The following PLXNA3 variants were observed in gnomAD, a reference collection of about 807,000 sequenced individuals.
The protein encoded by PLXNA3 is plexin-A3.
A neutral mutation model predicts 118.8 loss-of-function variants in PLXNA3; 52 were observed. The observed-to-expected ratio is 0.44, with a 90% CI of 0.35 to 0.55. The LOEUF is 0.55. PLXNA3 is among the 20% of genes least tolerant of loss of function. The pLI, the probability that PLXNA3 is intolerant of heterozygous loss-of-function variation, is 0.01. For missense variants in PLXNA3, 1,660 were observed against 1,730.8 expected (o/e 0.96, Z 0.73); for synonymous variants, 925 against 762.4 (o/e 1.21, Z -3.51).
Position 154,467,218 on chromosome X carries a change from C to T in PLXNA3, c.3202-14C>T, listed in dbSNP as rs1385673206. On this transcript the variant is annotated splice_polypyrimidine_tract_variant and intron_variant, in intron 18 of 32. Transcript: ENST00000369682. ...TGGCTTCACGTGCCTGGCTGTCCAC[C>T]TTTGTCCCCACAGACATGCCAAGTG... 8.3e-7 allele frequency: 1 copy of T among 1,209,239 alleles called. No homozygotes were observed. The highest frequency in any genetic ancestry group is 1.1e-6 in the Non-Finnish European group (1 of 894,790).
chrX:154,470,427 C>G lies in PLXNA3; in HGVS notation c.4987-15C>G, dbSNP rs1218613991. Reference sequence around the variant, plus strand: ...CTGGCTCCCTCATAGCCTGTGACCTCTCTGCCCCACACAGGGCACACTGCA... The same window carrying G: ...CTGGCTCCCTCATAGCCTGTGACCTGTCTGCCCCACACAGGGCACACTGCA... On this transcript the variant is annotated splice_polypyrimidine_tract_variant and intron_variant, in intron 29 of 32. Transcript: ENST00000369682. 1.7e-6 allele frequency: 2 copies of G among 1,202,966 alleles called. No individual in the cohort carries two copies. The highest frequency in any genetic ancestry group is 3.0e-5 in the East Asian group (1 of 33,822).
Position 154,466,614 on chromosome X carries a change from C to G in PLXNA3, c.2937-9C>G. ...CCACCCGCTCCAAGCACCCTGCTTG[C>G]CAATGTAGGAGAGATGCCAAGGCGA... is the stretch of plus-strand genomic sequence containing the variant. On this transcript the variant is annotated splice_polypyrimidine_tract_variant and intron_variant, in intron 16 of 32. Coordinates refer to ENST00000369682, the MANE Select transcript of PLXNA3 (RefSeq NM_017514.5). 8.3e-7 allele frequency: 1 copy of G among 1,199,545 alleles called. No homozygotes were observed.
chrX:154,462,293 AGCGG>A lies in PLXNA3; in HGVS notation c.1301_1304del (p.Ser434ThrfsTer3). On this transcript the variant is annotated frameshift_variant, in exon 4 of 33. Coordinates refer to ENST00000369682, the MANE Select transcript of PLXNA3 (RefSeq NM_017514.5). LOFTEE classifies it high-confidence loss of function. Reference sequence around the variant, plus strand: ...CTCTGTGGTCTTCATTGGCACGCGCAGCGGCAGCTTGAAGAAGGTGGCCCCCAGA... The same window carrying A: ...CTCTGTGGTCTTCATTGGCACGCGCACAGCTTGAAGAAGGTGGCCCCCAGA... The A allele has an allele frequency of 8.7e-7, 1 of 1,156,027 alleles. No homozygotes were observed. Among genetic ancestry groups the A allele is most frequent in the Non-Finnish European group, 1.2e-6 (1 of 866,955 alleles).
rs186934457 is a variant in PLXNA3 at position 154,462,838 on chromosome X, G to A, written c.1317+528G>A. Among the ~76,000 whole-genome samples the A allele has an allele frequency of 3.0e-4, 33 of 109,692 alleles. No individual in the cohort carries two copies. The South Asian group carries it at 3.9e-3, about 13-fold the overall frequency. ...GATGAACTTCTGGGCACTCAGGTACGTGTTGAATAGGTAGGAGTCGGGGGA... is the reference window on the plus strand; with the variant it reads ...GATGAACTTCTGGGCACTCAGGTACATGTTGAATAGGTAGGAGTCGGGGGA... On this transcript the variant is annotated intron_variant, in intron 4 of 32. Coordinates refer to ENST00000369682, the MANE Select transcript of PLXNA3 (RefSeq NM_017514.5).
rs139166383 is a variant in PLXNA3, at chrX:154,468,314, C to T, written c.3975C>T (p.Asn1325=). ...PVLKELDTPP[N]VEKALRLFGQ... is the part of the protein sequence containing the mutation. ...CCTGCTCCCCACAGACGCCACCCAA[C>T]GTGGAGAAGGCCCTGCGCCTCTTCG... Residue 1325 remains asparagine, a synonymous_variant, in exon 23 of 33, where the codon AAC becomes AAT. Transcript: ENST00000369682. The T allele has an allele frequency of 9.2e-5, 111 of 1,202,315 alleles. No individual in the cohort carries two copies. The highest frequency in any genetic ancestry group is 3.9e-4 in the African/African-American group (22 of 57,043).
Position 154,460,293 on chromosome X carries a change from C to A in PLXNA3, c.110C>A (p.Ala37Asp). 8.3e-7 allele frequency: 1 copy of A among 1,208,060 alleles called. No homozygotes were observed. The highest frequency in any genetic ancestry group is 1.1e-6 in the Non-Finnish European group (1 of 892,358). Residue 37 changes from alanine (A) to aspartate (D), a missense_variant, in exon 2 of 33, where the codon GCT becomes GAT. Ala to Asp is a moderately radical substitution (Grantham distance 126). This residue lies in a region of PLXNA3 where 791 missense variants were observed against 652.1 expected (regional missense o/e 1.21). Coordinates refer to ENST00000369682, the MANE Select transcript of PLXNA3 (RefSeq NM_017514.5). ...VVTDTTLTHLAVHRVTGEVFV... is the reference protein window; with the variant it reads ...VVTDTTLTHLDVHRVTGEVFV... ...ACAGACACCACGCTTACCCACCTGG[C>A]TGTGCACCGGGTGACTGGGGAGGTG...
In PLXNA3 at chrX:154,473,213, C is replaced by G. The variant is rs781787601; in HGVS notation, c.*528C>G. On this transcript the variant is annotated 3_prime_UTR_variant, in exon 33 of 33. Transcript: ENST00000369682. ...AGGCGGGGTCACGGTACCAGCAGCA[C>G]TTGGGGTGAGGCCTCCAAAGCTTCC... 8.9e-6 allele frequency: 1 copy of G among 112,872 alleles called. No individual in the cohort carries two copies. Among genetic ancestry groups the G allele is most frequent in the Non-Finnish European group, 1.9e-5 (1 of 53,472 alleles). The allele number at this position is 112,872 out of a possible 1,213,427, so 9.3% of individuals were successfully genotyped here. A position where few individuals can be genotyped will look rare whatever the true frequency, so the allele number is the denominator to read the frequency against.
rs782557602 is a variant in PLXNA3, at chrX:154,461,046, G to A, written c.595-53G>A. ...TGCAGAGGGAAGCTGGCGGTGGCCC[G>A]TGATGTTGGCACAGGGCCTCACCGG... is the stretch of plus-strand genomic sequence containing the variant. On this transcript the variant is annotated intron_variant, in intron 2 of 32. Coordinates refer to ENST00000369682, the MANE Select transcript of PLXNA3 (RefSeq NM_017514.5). 415 of 1,045,584 alleles carry A rather than the reference G, an allele frequency of 4.0e-4. 2 individuals carry two copies. In the East Asian group the frequency reaches 0.011, roughly 27 times the overall value. The allele number at this position is 1,045,584 out of a possible 1,213,427, so 86.2% of individuals were successfully genotyped here.
At position 154,463,652 on chromosome X, in the gene PLXNA3, C is replaced by T. The variant is rs142602533; in HGVS notation, c.1509C>T (p.Ser503=). ...AGAGCTGCGCAGCCTGCCTGGGCTC[C>T]GGGGACCCGCACTGTGGTTGGTGTG... ...QYQSCAACLG[S]GDPHCGWCVL... The change falls in exon 6 of 33, where the codon TCC becomes TCT. Residue 503 remains serine, a synonymous_variant. Coordinates refer to ENST00000369682, the MANE Select transcript of PLXNA3 (RefSeq NM_017514.5). The T allele has an allele frequency of 1.7e-4, 204 of 1,203,264 alleles. No individual in the cohort carries two copies. The African/African-American group carries it at 2.9e-3, about 17-fold the overall frequency.
chrX:154,468,605 C>A (rs782040724), intron 23 of PLXNA3, 46 bp downstream of exon 23: 2 of 1,206,600 alleles, frequency 1.7e-6, no homozygotes, highest in African/African-American at 1.7e-5. Context: ...CCTGCCTGGG[C>A]CTGCCCCCTG....
intron 29 of PLXNA3, 84 bp from the exon 30 acceptor site, chrX:154,470,358 A>G: frequency 9.5e-7 from 1 of 1,049,616 alleles, no homozygotes. Flanking sequence ...TCTCTTTGCC[A>G]AGCCTTTCTG....
At chrX:154,459,891 GT>G (rs1325956955) in intron 1 of PLXNA3, among the ~76,000 whole-genome samples, 1 of 113,229 alleles carries the variant, frequency 8.8e-6, no homozygotes, top group African/African-American at 3.2e-5. Context: ...GGCATCTGGG[GT>G]CCCAGTTCCA....
chrX:154,466,522 G>T lies in PLXNA3; in HGVS notation c.2936+10G>T. 8.3e-7 allele frequency: 1 copy of T among 1,202,582 alleles called. No homozygotes were observed. Among genetic ancestry groups the T allele is most frequent in the Non-Finnish European group, 1.1e-6 (1 of 890,667 alleles). ...AGTGCCAGTTTGTAAGGTGGGCCGG[G>T]GCCCTGCCAGCTTTGGGTTGGGCAT... On this transcript the variant is annotated intron_variant, in intron 16 of 32. Coordinates refer to ENST00000369682, the MANE Select transcript of PLXNA3 (RefSeq NM_017514.5).
chrX:154,461,385 G>A lies in PLXNA3; in HGVS notation c.881G>A (p.Ser294Asn). ...WRGVEYRLVQ[S>N]AHLAKPGLLL... is the part of the protein sequence containing the mutation. ...GGCGTGGAGTACCGCTTGGTGCAGA[G>A]CGCCCACCTGGCCAAGCCTGGCCTG... The change falls in exon 3 of 33, where the codon AGC (serine) becomes AAC (asparagine). Residue 294 changes from serine (S) to asparagine (N), a missense_variant. Ser to Asn is a conservative substitution (Grantham distance 46). Transcript: ENST00000369682. 2.5e-6 allele frequency: 3 copies of A among 1,211,909 alleles called. No individual in the cohort carries two copies. The highest frequency in any genetic ancestry group is 3.4e-6 in the Non-Finnish European group (3 of 895,486).
chrX:154,460,817 T>G, intron 2 of PLXNA3, 40 bp downstream of exon 2: 1 of 965,679 alleles, frequency 1.0e-6, no homozygotes, highest in East Asian at 3.1e-5. Flanking sequence ...CACCCAGTCC[T>G]GGCTCTGCCT....
intron 32 of PLXNA3, among the ~76,000 whole-genome samples, chrX:154,471,932 A>C (rs781811221): frequency 3.5e-5 from 4 of 112,705 alleles, no homozygotes; most frequent in Non-Finnish European, 7.5e-5. Context: ...GCAGGAGGAC[A>C]TAGAGGTGTG....
Position 154,468,306 on chromosome X carries a change from C to T in PLXNA3, c.3967C>T (p.Pro1323Ser), listed in dbSNP as rs782683403. 8.3e-7 allele frequency: 1 copy of T among 1,203,089 alleles called. No individual in the cohort carries two copies. The highest frequency in any genetic ancestry group is 1.1e-6 in the Non-Finnish European group (1 of 890,441). Residue 1323 changes from proline to serine, a missense_variant, in exon 23 of 33, where the codon CCA becomes TCA. By Grantham distance (74) the Pro-to-Ser change is moderately conservative (BLOSUM62 -1). Transcript: ENST00000369682. The part of the protein sequence containing the change: ...AHPVLKELDT[P>S]PNVEKALRLF... ...TGAGACCTCCTGCTCCCCACAGACG[C>T]CACCCAACGTGGAGAAGGCCCTGCG... is the stretch of plus-strand genomic sequence containing the variant.
chrX:154,462,441 C>T lies in PLXNA3; in HGVS notation c.1317+131C>T, dbSNP rs2068990503. 1.2e-5 allele frequency: 6 copies of T among 516,498 alleles called. No homozygotes were observed. In the South Asian group the frequency reaches 4.2e-4, roughly 36 times the overall value. The allele number at this position is 516,498 out of a possible 1,213,427, so 42.6% of individuals were successfully genotyped here. The stretch of plus-strand genomic sequence containing the variant: ...ACGGCTGGTGCAGGGAGGGAGATTT[C>T]CCTGGCTGGGTCCCAGGCGCCTGGC... On this transcript the variant is annotated intron_variant, in intron 4 of 32. Transcript: ENST00000369682.
Position 154,465,006 on chromosome X carries a change from C to A in PLXNA3, c.2044-12C>A. 3.4e-6 allele frequency: 4 copies of A among 1,181,413 alleles called. No homozygotes were observed. The highest frequency in any genetic ancestry group is 4.6e-6 in the Non-Finnish European group (4 of 877,342). ...TGGCCCTGTGTGCAGCTGACAGGTGCTTTCCCCGCAGGGCTGCCCTGAGAT... is the reference window on the plus strand; with the variant it reads ...TGGCCCTGTGTGCAGCTGACAGGTGATTTCCCCGCAGGGCTGCCCTGAGAT... On this transcript the variant is annotated splice_polypyrimidine_tract_variant and intron_variant, in intron 10 of 32. Coordinates refer to ENST00000369682, the MANE Select transcript of PLXNA3 (RefSeq NM_017514.5).
Sources: gnomAD v4.1 joint callset for allele counts (sites outside exome capture counted in the v4.1 genomes callset) on GRCh38, gnomAD v4.1.1 for gene constraint, gnomAD v4.1.1 regional missense constraint, MANE v1.5 for transcripts, NCBI Gene and HGNC (gene_info 2026-07-23, HGNC 2026-07-21) for gene names.